CPED1: variants seen among roughly 807,000 people sequenced by gnomAD.
CPED1 encodes cadherin like and PC-esterase domain containing 1.
Under a neutral mutation model 128.2 loss-of-function variants are expected in CPED1, and 114 were observed. The ratio of observed to expected loss-of-function variants is 0.89; its 90% CI spans 0.76 to 1.04. The LOEUF (loss-of-function observed/expected upper bound fraction) is 1.04, where lower values mean the gene tolerates loss of function less well. Ranked by LOEUF, CPED1 falls within the 50% of genes least tolerant of loss-of-function variation. CPED1 has a pLI of 0.00. For missense variants in CPED1, 1,211 were observed against 1,207.1 expected (o/e 1.00, Z -0.05); for synonymous variants, 462 against 426.7 (o/e 1.08, Z -1.02).
chr7:121,081,957 C>T (rs954747384), intron 5 of CPED1, among the ~76,000 whole-genome samples: 10 of 152,114 alleles, frequency 6.6e-5, no homozygotes, highest in African/African-American at 1.4e-4. Flanking sequence ...CTTTTCATGG[C>T]GCATTTTGCC....
At chr7:121,218,072 C>T (rs1278061031) in intron 16 of CPED1, among the ~76,000 whole-genome samples, 1 of 151,270 alleles carries the variant, frequency 6.6e-6, no homozygotes, top group African/African-American at 2.4e-5. Flanking sequence ...GCAACCTCTG[C>T]CTCCCTGGTT....
At chr7:121,176,167 A>G (rs952449004) in intron 16 of CPED1, among the ~76,000 whole-genome samples, 2 of 150,020 alleles carry the variant, frequency 1.3e-5, no homozygotes, top group African/African-American at 4.9e-5. Flanking sequence ...CAATAGACAA[A>G]CAATATCCCT....
chr7:121,082,770 T>G (rs1794325216), intron 5 of CPED1, among the ~76,000 whole-genome samples: 1 of 152,200 alleles, frequency 6.6e-6, no homozygotes, highest in South Asian at 2.1e-4. Flanking sequence ...GCTATAACTT[T>G]GTGATAAACT....
At chr7:121,285,267 G>A (rs2116779167) in intron 22 of CPED1, among the ~76,000 whole-genome samples, 1 of 152,280 alleles carries the variant, frequency 6.6e-6, no homozygotes, top group Non-Finnish European at 1.5e-5. Flanking sequence ...GAGGCCTTAG[G>A]CCTGGCCCAC....
chr7:121,066,428 G>A (rs1401097724), intron 5 of CPED1, among the ~76,000 whole-genome samples: 1 of 152,026 alleles, frequency 6.6e-6, no homozygotes, highest in Non-Finnish European at 1.5e-5. Flanking sequence ...TGAAGAATAA[G>A]ACATATTATA....
chr7:121,215,837 C>T (rs1390857440), intron 16 of CPED1, among the ~76,000 whole-genome samples: 1 of 151,972 alleles, frequency 6.6e-6, no homozygotes, highest in Non-Finnish European at 1.5e-5. Flanking sequence ...AGATGTCTTA[C>T]ATATTTTTTA....
At chr7:121,103,520 A>C (rs1452219957) in intron 7 of CPED1, among the ~76,000 whole-genome samples, 1 of 152,200 alleles carries the variant, frequency 6.6e-6, no homozygotes, top group Non-Finnish European at 1.5e-5. Context: ...CCTCAGAAAT[A>C]CTGCTTTCTA....
chr7:121,144,527 G>T (rs908896123), intron 16 of CPED1, among the ~76,000 whole-genome samples: 3 of 152,138 alleles, frequency 2.0e-5, no homozygotes, highest in East Asian at 1.9e-4. Flanking sequence ...ACCATAGTCT[G>T]AGTAGGGCAG....
chr7:121,023,857 CAA>C (rs1773178007), intron 3 of CPED1, among the ~76,000 whole-genome samples: 1 of 152,080 alleles, frequency 6.6e-6, no homozygotes, highest in Middle Eastern at 3.2e-3. Context: ...AGCAGGAAGA[CAA>C]AAGAGTAAAG....
chr7:121,236,916 TA>T (rs963820018), intron 17 of CPED1, 85 bp downstream of exon 17: 5 of 599,302 alleles, frequency 8.3e-6, no homozygotes. Context: ...TATCCTTTTA[TA>T]AAAAAACAAG....
At chr7:121,022,284 C>T (rs928790654) in intron 3 of CPED1, among the ~76,000 whole-genome samples, 2 of 152,108 alleles carry the variant, frequency 1.3e-5, no homozygotes, top group African/African-American at 4.8e-5. Flanking sequence ...TTTAGAGGAA[C>T]ACTGATATTC....
At chr7:121,224,457 T>C (rs1797954680) in intron 16 of CPED1, among the ~76,000 whole-genome samples, 1 of 152,188 alleles carries the variant, frequency 6.6e-6, no homozygotes, top group Non-Finnish European at 1.5e-5. Flanking sequence ...TGGAGAGTTC[T>C]GTAGATGTCT....
rs951707001 is a variant in CPED1 at position 121,128,128 on chromosome 7, G to A, written c.1303-254G>A. Among the ~76,000 whole-genome samples, 5 of 151,994 alleles carry A rather than the reference G, an allele frequency of 3.3e-5. No individual in the cohort carries two copies. In the East Asian group the frequency reaches 5.8e-4, roughly 18 times the overall value. The stretch of plus-strand genomic sequence containing the variant: ...TAACATGGATTGATTTTTATAACAC[G>A]TTAGCATCTCCCCAACCTCACTACC... On this transcript the variant is annotated intron_variant, in intron 10 of 22. Transcript: ENST00000310396.
intron 5 of CPED1, among the ~76,000 whole-genome samples, chr7:121,083,333 AC>A (rs1472769304): frequency 6.6e-6 from 1 of 151,930 alleles, no homozygotes; most frequent in Non-Finnish European, 1.5e-5. Flanking sequence ...AATAATAGTG[AC>A]CCCCTCCCAC....
At chr7:121,025,444 A>G (rs1481683098) in intron 3 of CPED1, among the ~76,000 whole-genome samples, 1 of 152,198 alleles carries the variant, frequency 6.6e-6, no homozygotes, top group African/African-American at 2.4e-5. Flanking sequence ...CTCAAAAGTT[A>G]TATAAATTCT....
At chr7:121,168,689 T>C (rs1230377548) in intron 16 of CPED1, among the ~76,000 whole-genome samples, 1 of 152,180 alleles carries the variant, frequency 6.6e-6, no homozygotes, top group Non-Finnish European at 1.5e-5. Context: ...ATTCATTCTA[T>C]TTTTTTGTAT....
Position 121,065,051 on chromosome 7 carries a change from A to G in CPED1, c.616+738A>G, listed in dbSNP as rs1793791938. 5.9e-5 allele frequency among the ~76,000 whole-genome samples: 9 copies of G among 152,276 alleles called. 1 individual carries two copies. On this transcript the variant is annotated intron_variant, in intron 5 of 22. Coordinates refer to ENST00000310396, the MANE Select transcript of CPED1 (RefSeq NM_024913.5). ...TAGCTTTAATTTTGTTTTGTCTCCTAGTTGATTTGTTAACTAGTTAATTTG... is the reference window on the plus strand; with the variant it reads ...TAGCTTTAATTTTGTTTTGTCTCCTGGTTGATTTGTTAACTAGTTAATTTG...
chr7:121,102,293 A>AT (rs1307942444), intron 7 of CPED1, among the ~76,000 whole-genome samples: 1 of 151,992 alleles, frequency 6.6e-6, no homozygotes, highest in Non-Finnish European at 1.5e-5. Context: ...AAGTAGCTGT[A>AT]TTTTTTGTGC....
chr7:120,989,978 C>CCAGA, intron 2 of CPED1, 108 bp downstream of exon 2: 1 of 1,350,572 alleles, frequency 7.4e-7, no homozygotes, highest in South Asian at 1.4e-5. Flanking sequence ...TGAAAGGGAT[C>CCAGA]CAGAGTGTAA....
Sources: gnomAD v4.1 joint callset for allele counts (sites outside exome capture counted in the v4.1 genomes callset) on GRCh38, gnomAD v4.1.1 for gene constraint, MANE v1.5 for transcripts, NCBI Gene and HGNC (gene_info 2026-07-23, HGNC 2026-07-21) for gene names.